ANO1: variants seen among roughly 807,000 people sequenced by gnomAD.
ANO1 encodes the protein anoctamin 1, also known as anoctamin-1.
A neutral mutation model predicts 124.0 loss-of-function variants in ANO1; 59 were observed. The observed-to-expected ratio is 0.48, with a 90% CI of 0.39 to 0.59. The LOEUF (loss-of-function observed/expected upper bound fraction) is 0.59, where lower values mean the gene tolerates loss of function less well. ANO1 is among the 20% of genes least tolerant of loss of function. ANO1 has a pLI of 0.00. For missense variants in ANO1, 1,059 were observed against 1,328.0 expected (o/e 0.80, Z 3.15); for synonymous variants, 529 against 532.0 (o/e 0.99, Z 0.08).
intron 1 of ANO1, among the ~76,000 whole-genome samples, chr11:70,006,622 TTTC>T (rs1591029598): frequency 6.6e-6 from 1 of 151,494 alleles, no homozygotes; most frequent in East Asian, 1.9e-4. Flanking sequence ...TCTTTCTTTC[TTTC>T]TTCTTTCTTT....
chr11:70,032,539 G>GA (rs1358907149), intron 1 of ANO1, among the ~76,000 whole-genome samples: 1 of 151,490 alleles, frequency 6.6e-6, no homozygotes, highest in African/African-American at 2.4e-5. Context: ...CGGGAGAGGG[G>GA]GGGGGTCTCT....
At chr11:70,086,515 C>T (rs546942450) in intron 1 of ANO1, among the ~76,000 whole-genome samples, 56 of 152,340 alleles carry the variant, frequency 3.7e-4, no homozygotes, top group Non-Finnish European at 6.6e-4. Context: ...CACCCACCAG[C>T]GGTGCCCATC....
At chr11:70,153,006 C>A in intron 13 of ANO1, 51 bp from the exon 14 acceptor site, 2 of 1,522,470 alleles carry the variant, frequency 1.3e-6, no homozygotes, top group Non-Finnish European at 1.8e-6. Flanking sequence ...CGCTGAGGAG[C>A]TCAGACTCAA....
chr11:70,067,301 A>G (rs559223548), intron 1 of ANO1, among the ~76,000 whole-genome samples: 2 of 148,874 alleles, frequency 1.3e-5, no homozygotes, highest in Non-Finnish European at 3.0e-5. Flanking sequence ...CAGCAGCTCC[A>G]AGGGGACAAG....
chr11:70,046,563 C>G (rs1397286244), intron 1 of ANO1, among the ~76,000 whole-genome samples: 1 of 152,034 alleles, frequency 6.6e-6, no homozygotes, highest in Non-Finnish European at 1.5e-5. Flanking sequence ...ATGAGACTAC[C>G]CGGCCACTGA....
intron 5 of ANO1, 59 bp downstream of exon 5, chr11:70,105,847 T>G: frequency 6.5e-7 from 1 of 1,545,420 alleles, no homozygotes; most frequent in South Asian, 1.1e-5. Flanking sequence ...GGGATCCAGA[T>G]GATAATTTCA....
At chr11:70,037,485 G>A (rs61705100) in intron 1 of ANO1, among the ~76,000 whole-genome samples, 5,215 of 151,990 alleles carry the variant, frequency 0.034, 135 homozygotes, top group East Asian at 0.11. Flanking sequence ...AGACCATCGC[G>A]GGGCAGAGGG....
chr11:70,150,563 C>T (rs77176481), intron 12 of ANO1, among the ~76,000 whole-genome samples: 1 of 152,294 alleles, frequency 6.6e-6, no homozygotes, highest in African/African-American at 2.4e-5. Context: ...GAGACAGGGT[C>T]TCCCTCTGTC....
chr11:70,104,676 G>T (rs1469814621), intron 4 of ANO1, among the ~76,000 whole-genome samples: 2 of 152,240 alleles, frequency 1.3e-5, no homozygotes, highest in Non-Finnish European at 2.9e-5. Context: ...AGCCACCTGG[G>T]TCAGCAGTGA....
At position 70,165,604 on chromosome 11, in the gene ANO1, GC is replaced by G. The variant is rs777067314; in HGVS notation, c.2051+35del. On this transcript the variant is annotated intron_variant, in intron 20 of 25. Coordinates refer to ENST00000355303, the MANE Select transcript of ANO1 (RefSeq NM_018043.7). ...GCTGCAGCGGGTTAGAGCGGCAGGG[GC>G]GGGGCCAGGCGGAGGGGTGTGTGGG... The G allele has an allele frequency of 9.6e-6, 15 of 1,562,476 alleles. No individual in the cohort carries two copies. In the Admixed American group the frequency reaches 1.4e-4, roughly 15 times the overall value.
chr11:70,125,761 G>A lies in ANO1; in HGVS notation c.963-300G>A, dbSNP rs995129058. Among the ~76,000 whole-genome samples, 16 of 147,076 alleles carry A rather than the reference G, an allele frequency of 1.1e-4. No homozygotes were observed. In the East Asian group the frequency reaches 1.3e-3, roughly 12 times the overall value. Reference sequence around the variant, plus strand: ...CGGGAGGCTGAGGCAGGAGAATGGCGTGAACGCGGGAGGTGGAGCTTGCAG... The same window carrying A: ...CGGGAGGCTGAGGCAGGAGAATGGCATGAACGCGGGAGGTGGAGCTTGCAG... On this transcript the variant is annotated intron_variant, in intron 9 of 25. Coordinates refer to ENST00000355303, the MANE Select transcript of ANO1 (RefSeq NM_018043.7).
At chr11:70,039,385 A>G (rs559985029) in intron 1 of ANO1, among the ~76,000 whole-genome samples, 1 of 152,340 alleles carries the variant, frequency 6.6e-6, no homozygotes, top group African/African-American at 2.4e-5. Context: ...GCCAACTTTT[A>G]ATAATGTATG....
chr11:69,991,561 C>T (rs1554997496), intron 1 of ANO1, among the ~76,000 whole-genome samples: 1 of 152,186 alleles, frequency 6.6e-6, no homozygotes, highest in African/African-American at 2.4e-5. Flanking sequence ...TGAACAGAAC[C>T]CGATGTTCTG....
At chr11:70,173,588 C>T (rs2048557855) in intron 22 of ANO1, among the ~76,000 whole-genome samples, 1 of 152,192 alleles carries the variant, frequency 6.6e-6, no homozygotes, top group African/African-American at 2.4e-5. Flanking sequence ...GGGTAGAGTG[C>T]TGATTTGCTG....
At chr11:70,165,694 G>A in intron 20 of ANO1, 124 bp downstream of exon 20, 1 of 774,426 alleles carries the variant, frequency 1.3e-6, no homozygotes, top group Non-Finnish European at 2.1e-6. Context: ...TAGAAGCAGG[G>A]AGAGAAGGAG....
At chr11:70,141,909 G>A (rs1218004373) in intron 11 of ANO1, among the ~76,000 whole-genome samples, 1 of 152,132 alleles carries the variant, frequency 6.6e-6, no homozygotes, top group African/African-American at 2.4e-5. Context: ...GAGCCTGGTC[G>A]TGGCCACCCG....
intron 21 of ANO1, chr11:70,169,948 T>G: frequency 3.0e-6 from 1 of 330,404 alleles, no homozygotes. Context: ...TCAGTTCCAC[T>G]CAGAAACCTT....
At chr11:70,183,658 A>G (rs2049009085) in intron 24 of ANO1, among the ~76,000 whole-genome samples, 1 of 152,224 alleles carries the variant, frequency 6.6e-6, no homozygotes. Flanking sequence ...GCTTGTTCCC[A>G]TGGGAAAGCA....
the ANO1 span, among the ~76,000 whole-genome samples, chr11:69,968,632 G>A: frequency 6.6e-6 from 1 of 152,188 alleles, no homozygotes; most frequent in African/African-American, 2.4e-5. Flanking sequence ...CGATGGCCCT[G>A]CTGAGATGCA....
Sources: allele counts gnomAD v4.1 joint callset (sites outside exome capture counted in the v4.1 genomes callset), GRCh38; gene constraint gnomAD v4.1.1; transcripts MANE v1.5; gene names NCBI Gene and HGNC (gene_info 2026-07-23, HGNC 2026-07-21).